Variants in PDIK1L observed in about 807,000 individuals in gnomAD.
PDIK1L encodes the protein serine/threonine-protein kinase PDIK1L.
Under a neutral mutation model 27.1 loss-of-function variants are expected in PDIK1L, and 9 were observed. The ratio of observed to expected loss-of-function variants is 0.33; its 90% CI spans 0.20 to 0.58. The LOEUF (loss-of-function observed/expected upper bound fraction) is 0.58, where lower values mean the gene tolerates loss of function less well. Among genes scored for constraint, PDIK1L ranks in the 20% least tolerant of loss-of-function variants. PDIK1L has a pLI of 0.86. For synonymous variants in PDIK1L, 130 were observed against 141.7 expected, an observed-to-expected ratio of 0.92 and a Z score of 0.59; for missense variants, 216 against 413.2, an observed-to-expected ratio of 0.52 and a Z score of 4.14.
chr1:26,114,229 A>T lies in PDIK1L; in HGVS notation c.-17-63A>T, dbSNP rs888033598. 1.4e-6 allele frequency: 2 copies of T among 1,432,950 alleles called. No individual in the cohort carries two copies. Among genetic ancestry groups the T allele is most frequent in the African/African-American group, 2.9e-5 (2 of 70,174 alleles). 88.8% of individuals were successfully genotyped at this position (1,432,950 alleles called of 1,614,324 possible). Reference sequence around the variant, plus strand: ...GACAGATGACAAGTAAATCATACATAAGAAGAAATACAAGCCAGTAGGTAT... The same window carrying T: ...GACAGATGACAAGTAAATCATACATTAGAAGAAATACAAGCCAGTAGGTAT... On this transcript the variant is annotated intron_variant, in intron 1 of 2. Coordinates refer to ENST00000374269, the MANE Select transcript of PDIK1L (RefSeq NM_152835.5). The surrounding 1 kb of genome is among the most constrained non-coding windows in gnomAD (Gnocchi z 4.8).
intron 2 of PDIK1L, among the ~76,000 whole-genome samples, chr1:26,117,338 C>G (rs2087896648): frequency 6.6e-6 from 1 of 152,124 alleles, no homozygotes; most frequent in African/African-American, 2.4e-5. Context: ...AGCCAATGCC[C>G]TGAAGTTTTC....
At chr1:26,121,728 G>A (rs1388172252) in intron 2 of PDIK1L, 109 bp from the exon 3 acceptor site, 11 of 1,138,682 alleles carry the variant, frequency 9.7e-6, no homozygotes, top group African/African-American at 6.2e-5. Context: ...TATTTATAGA[G>A]TTTCCACTTA....
intron 2 of PDIK1L, among the ~76,000 whole-genome samples, chr1:26,121,411 T>C (rs562766909): frequency 1.1e-3 from 160 of 152,328 alleles, no homozygotes; most frequent in Non-Finnish European, 1.7e-3. Context: ...CAGTAAGAAG[T>C]ATATTTCAGG....
At chr1:26,120,395 A>G (rs1557597060) in intron 2 of PDIK1L, among the ~76,000 whole-genome samples, 2 of 152,020 alleles carry the variant, frequency 1.3e-5, no homozygotes, top group African/African-American at 4.8e-5. Context: ...CCTTTCTTTC[A>G]TTTTTCTGTC....
Position 26,125,500 on chromosome 1 carries a change from A to G in PDIK1L, c.*2923A>G, listed in dbSNP as rs1475084870. 6.6e-6 allele frequency: 1 copy of G among 152,120 alleles called. No individual in the cohort carries two copies. The highest frequency in any genetic ancestry group is 1.9e-4 in the East Asian group (1 of 5,204). 9.4% of individuals were successfully genotyped at this position (152,120 alleles called of 1,614,324 possible). A position where few individuals can be genotyped will look rare whatever the true frequency, so the allele number is the denominator to read the frequency against. On this transcript the variant is annotated 3_prime_UTR_variant, in exon 3 of 3. Transcript: ENST00000374269. The stretch of plus-strand genomic sequence containing the variant: ...GGAAAATGATTGTAATTTATTGTTC[A>G]TGACTTTTTTTTTTAAATAAAGTGA...
chr1:26,121,554 T>C (rs144753217), intron 2 of PDIK1L, among the ~76,000 whole-genome samples: 239 of 152,332 alleles, frequency 1.6e-3, no homozygotes, highest in Non-Finnish European at 2.9e-3. Context: ...CACTGACACA[T>C]GGAGAAAATG....
intron 2 of PDIK1L, among the ~76,000 whole-genome samples, chr1:26,119,663 A>ATCC (rs1450528323): frequency 6.6e-6 from 1 of 152,110 alleles, no homozygotes; most frequent in Non-Finnish European, 1.5e-5. Flanking sequence ...CATCAAGACC[A>ATCC]TCCTGGCCAC....
chr1:26,117,015 CTTTTTTTTTT>C (rs60381058), intron 2 of PDIK1L, among the ~76,000 whole-genome samples: 3 of 103,552 alleles, frequency 2.9e-5, no homozygotes, highest in African/African-American at 8.5e-5. Flanking sequence ...TGCGCCCAAC[CTTTTTTTTTT>C]TTTTTTTTTT....
At position 26,114,315 on chromosome 1, in the gene PDIK1L, A is replaced by G; in HGVS notation, c.7A>G (p.Ser3Gly). The G allele has an allele frequency of 6.2e-7, 1 of 1,608,232 alleles. No homozygotes were observed. The change falls in exon 2 of 3, where the codon AGT becomes GGT. Residue 3 changes from serine (S) to glycine (G), a missense_variant. Ser to Gly is a moderately conservative substitution (Grantham distance 56). Coordinates refer to ENST00000374269, the MANE Select transcript of PDIK1L (RefSeq NM_152835.5). This position sits in a 1 kb window ranked among gnomAD's most constrained non-coding sequence, Gnocchi z 4.8. ...AGAAACCTCGACCTTGAAGATGGTG[A>G]GTAGCCAGCCAAAGTACGATCTAAT... is the stretch of plus-strand genomic sequence containing the variant. The part of the protein sequence containing the change: MV[S>G]SQPKYDLIRE...
At chr1:26,112,448 C>T (rs1480079336) in intron 1 of PDIK1L, 1 of 147,354 alleles carries the variant, frequency 6.8e-6, no homozygotes, top group East Asian at 1.9e-4. Context: ...CACCTCTCTC[C>T]TCCCTATTCA....
upstream of PDIK1L, chr1:26,111,320 GC>G (rs2087788591): frequency 6.6e-6 from 1 of 152,634 alleles, no homozygotes. The surrounding 1 kb of genome is among the most constrained non-coding windows in gnomAD (Gnocchi z 4.0). Context: ...CTCCCCGCAG[GC>G]CCGCCAAAGA....
At position 26,125,481 on chromosome 1, in the gene PDIK1L, T is replaced by G. The variant is rs891825147; in HGVS notation, c.*2904T>G. The G allele has an allele frequency of 5.9e-5, 9 of 152,244 alleles. No homozygotes were observed. The highest frequency in any genetic ancestry group is 6.6e-5 in the Admixed American group (1 of 15,222). The allele number at this position is 152,244 out of a possible 1,614,324, so 9.4% of individuals were successfully genotyped here. A position where few individuals can be genotyped will look rare whatever the true frequency, so the allele number is the denominator to read the frequency against. ...ATGAAGAATTTATAAAAGGGGAAAA[T>G]GATTGTAATTTATTGTTCATGACTT... On this transcript the variant is annotated 3_prime_UTR_variant, in exon 3 of 3. Coordinates refer to ENST00000374269, the MANE Select transcript of PDIK1L (RefSeq NM_152835.5).
At position 26,124,505 on chromosome 1, in the gene PDIK1L, C is replaced by T. The variant is rs1008124552; in HGVS notation, c.*1928C>T. On this transcript the variant is annotated 3_prime_UTR_variant, in exon 3 of 3. Transcript: ENST00000374269. ...TCTAGTCAATAACATGGCACTTCAGCAGAGATTCATAGATGATGGTATGCC... is the reference window on the plus strand; with the variant it reads ...TCTAGTCAATAACATGGCACTTCAGTAGAGATTCATAGATGATGGTATGCC... 1.3e-5 allele frequency: 2 copies of T among 152,134 alleles called. No individual in the cohort carries two copies. The highest frequency in any genetic ancestry group is 2.9e-5 in the Non-Finnish European group (2 of 67,998). 9.4% of individuals were successfully genotyped at this position (152,134 alleles called of 1,614,324 possible).
chr1:26,113,011 A>G (rs987315029), intron 1 of PDIK1L, among the ~76,000 whole-genome samples: 19 of 152,366 alleles, frequency 1.2e-4, no homozygotes, highest in African/African-American at 4.3e-4. Context: ...GAACTCTGTC[A>G]GAGAGCCCCT....
In PDIK1L at chr1:26,124,784, C is replaced by G. The variant is rs889646337; in HGVS notation, c.*2207C>G. ...AGTAAATTCTTTGTCTTTGTTCTTT[C>G]AGTCAGAGGTATTTATTAAGTACCT... On this transcript the variant is annotated 3_prime_UTR_variant, in exon 3 of 3. Transcript: ENST00000374269. 6.6e-6 allele frequency: 1 copy of G among 152,118 alleles called. No individual in the cohort carries two copies. Among genetic ancestry groups the G allele is most frequent in the Non-Finnish European group, 1.5e-5 (1 of 68,006 alleles). The allele number at this position is 152,118 out of a possible 1,614,324, so 9.4% of individuals were successfully genotyped here.
rs1398171734 is a variant in PDIK1L, at chr1:26,122,782, G to C, written c.*205G>C. The stretch of plus-strand genomic sequence containing the variant: ...TTTCAAATGTGTATTACCAATGTGG[G>C]TGTAAATTTTTAAAAAATGATTATT... On this transcript the variant is annotated 3_prime_UTR_variant, in exon 3 of 3. Coordinates refer to ENST00000374269, the MANE Select transcript of PDIK1L (RefSeq NM_152835.5). This position sits in a 1 kb window ranked among gnomAD's most constrained non-coding sequence, Gnocchi z 5.4. 1 of 456,660 alleles carries C rather than the reference G, an allele frequency of 2.2e-6. No homozygotes were observed. The highest frequency in any genetic ancestry group is 2.0e-5 in the African/African-American group (1 of 49,288). 28.3% of individuals were successfully genotyped at this position (456,660 alleles called of 1,614,324 possible).
At chr1:26,121,766 T>A in intron 2 of PDIK1L, 71 bp from the exon 3 acceptor site, 1 of 1,446,962 alleles carries the variant, frequency 6.9e-7, no homozygotes, top group Non-Finnish European at 9.3e-7. Context: ...AACCTTTCAA[T>A]TATTATTTTC....
intron 2 of PDIK1L, among the ~76,000 whole-genome samples, chr1:26,116,432 T>C (rs1261236257): frequency 6.6e-6 from 1 of 151,902 alleles, no homozygotes; most frequent in Non-Finnish European, 1.5e-5. Flanking sequence ...GGAGGATCAC[T>C]TGAACCCAGG....
rs2088014742 is a variant in PDIK1L, at chr1:26,122,913, G to A, written c.*336G>A. Reference sequence around the variant, plus strand: ...TTTAGACATTCCTCGTCAGTATTAGGAATTTCCATGGGAAAAGAGGTTTGC... The same window carrying A: ...TTTAGACATTCCTCGTCAGTATTAGAAATTTCCATGGGAAAAGAGGTTTGC... On this transcript the variant is annotated 3_prime_UTR_variant, in exon 3 of 3. Coordinates refer to ENST00000374269, the MANE Select transcript of PDIK1L (RefSeq NM_152835.5). The surrounding 1 kb of genome is among the most constrained non-coding windows in gnomAD (Gnocchi z 5.4). 5.7e-6 allele frequency: 1 copy of A among 175,678 alleles called. No individual in the cohort carries two copies. The highest frequency in any genetic ancestry group is 5.8e-5 in the Admixed American group (1 of 17,298). The allele number at this position is 175,678 out of a possible 1,614,324, so 10.9% of individuals were successfully genotyped here. A position where few individuals can be genotyped will look rare whatever the true frequency, so the allele number is the denominator to read the frequency against.
Sources: allele counts gnomAD v4.1 joint callset (sites outside exome capture counted in the v4.1 genomes callset), GRCh38; gene constraint gnomAD v4.1.1; non-coding constraint Gnocchi (gnomAD v3.1); transcripts MANE v1.5; gene names NCBI Gene and HGNC (gene_info 2026-07-23, HGNC 2026-07-21).